The following SLCO1C1 variants were observed in gnomAD, a reference collection of about 807,000 sequenced individuals.
SLCO1C1 encodes the protein solute carrier organic anion transporter family member 1C1, also known as OAT-RP-5.
In SLCO1C1, 70 loss-of-function variants were observed where a neutral mutation model predicts 76.4. The observed-to-expected ratio is 0.92, with a 90% CI of 0.76 to 1.12. The LOEUF (loss-of-function observed/expected upper bound fraction) is 1.12, where lower values mean the gene tolerates loss of function less well. Ranked by LOEUF, SLCO1C1 falls within the 50% of genes most tolerant of loss-of-function variation. The pLI is 0.00. For synonymous variants in SLCO1C1, 306 were observed against 286.1 expected, an observed-to-expected ratio of 1.07 and a Z score of -0.70; for missense variants, 912 against 823.8, an observed-to-expected ratio of 1.11 and a Z score of -1.31.
At chr12:20,718,204 T>C (rs751625439) in intron 7 of SLCO1C1, among the ~76,000 whole-genome samples, 1 of 152,094 alleles carries the variant, frequency 6.6e-6, no homozygotes, top group African/African-American at 2.4e-5. Context: ...CAGAGGAAAA[T>C]TGTTAAGGGG....
chr12:20,742,462 C>G (rs1948862813), intron 12 of SLCO1C1, among the ~76,000 whole-genome samples: 1 of 151,864 alleles, frequency 6.6e-6, no homozygotes, highest in African/African-American at 2.4e-5. Flanking sequence ...ATAGGCCAAT[C>G]AGTTTAAGCT....
intron 12 of SLCO1C1, 55 bp downstream of exon 12, chr12:20,740,423 C>T (rs1013895947): frequency 5.1e-5 from 76 of 1,476,122 alleles, no homozygotes; most frequent in Non-Finnish European, 6.3e-5. Context: ...TCATCTCGAG[C>T]AATGATTTAA....
intron 6 of SLCO1C1, among the ~76,000 whole-genome samples, chr12:20,716,339 A>C (rs1156333714): frequency 6.6e-6 from 1 of 152,218 alleles, no homozygotes; most frequent in African/African-American, 2.4e-5. Flanking sequence ...ACAGGTGCTT[A>C]GGTGTGCCCT....
chr12:20,722,169 C>G, intron 8 of SLCO1C1, 120 bp downstream of exon 8: 1 of 1,319,942 alleles, frequency 7.6e-7, no homozygotes, highest in Non-Finnish European at 1.0e-6. Flanking sequence ...ATATCAGAAG[C>G]AAAAATGGAA....
intron 14 of SLCO1C1, 112 bp downstream of exon 14, chr12:20,750,904 T>G (rs1377332675): frequency 6.2e-7 from 1 of 1,600,090 alleles, no homozygotes; most frequent in Non-Finnish European, 8.6e-7. Context: ...AGGTAAAGAA[T>G]AGTCTAATCA....
intron 12 of SLCO1C1, among the ~76,000 whole-genome samples, chr12:20,740,912 G>A (rs1382954176): frequency 6.7e-6 from 1 of 149,462 alleles, no homozygotes; most frequent in Non-Finnish European, 1.5e-5. Context: ...TGATGTTAAT[G>A]ACTGTATTAT....
In SLCO1C1 at chr12:20,699,667, T is replaced by C. The variant is rs1030596321; in HGVS notation, c.91T>C (p.Ser31Pro). The change falls in exon 2 of 15, where the codon TCC (serine) becomes CCC (proline). Residue 31 changes from serine to proline, a missense_variant. Transcript: ENST00000266509. ...GRPSFKTEYPSSEEKQPCCGE... is the reference protein window; with the variant it reads ...GRPSFKTEYPPSEEKQPCCGE... ...GCCTTCTTTTAAAACAGAATATCCC[T>C]CCTCAGAAGAAAAGCAACCATGCTG... is the stretch of plus-strand genomic sequence containing the variant. The C allele has an allele frequency of 6.2e-7, 1 of 1,612,054 alleles. No individual in the cohort carries two copies. Among genetic ancestry groups the C allele is most frequent in the Non-Finnish European group, 8.5e-7 (1 of 1,178,942 alleles).
intron 10 of SLCO1C1, 83 bp from the exon 11 acceptor site, chr12:20,737,024 C>A: frequency 8.2e-7 from 1 of 1,215,874 alleles, no homozygotes; most frequent in South Asian, 2.2e-5. Flanking sequence ...TCATTTATAT[C>A]ACTCAAGAAC....
chr12:20,716,477 G>A lies in SLCO1C1; in HGVS notation c.677-655G>A, dbSNP rs533228160. 8.5e-5 allele frequency among the ~76,000 whole-genome samples: 13 copies of A among 152,308 alleles called. No homozygotes were observed. The South Asian group carries it at 2.7e-3, about 32-fold the overall frequency. On this transcript the variant is annotated intron_variant, in intron 6 of 14. Coordinates refer to ENST00000266509, the MANE Select transcript of SLCO1C1 (RefSeq NM_017435.5). Reference sequence around the variant, plus strand: ...TGTGTTTTAAGCTTTGTGGTGAAATGAAAAACAGATTGGAGATATTTGGAA... The same window carrying A: ...TGTGTTTTAAGCTTTGTGGTGAAATAAAAAACAGATTGGAGATATTTGGAA...
At chr12:20,743,819 T>A (rs924677127) in intron 13 of SLCO1C1, among the ~76,000 whole-genome samples, 2 of 152,062 alleles carry the variant, frequency 1.3e-5, no homozygotes, top group Admixed American at 1.3e-4. Context: ...AATAAGGTAT[T>A]ATTTAAACCA....
chr12:20,718,256 CCCAG>C (rs1267040284), intron 7 of SLCO1C1, among the ~76,000 whole-genome samples: 8 of 152,090 alleles, frequency 5.3e-5, no homozygotes, highest in African/African-American at 1.9e-4. Context: ...AAGCATTTTA[CCCAG>C]TATAATGCAG....
intron 7 of SLCO1C1, among the ~76,000 whole-genome samples, chr12:20,717,565 A>C (rs935146776): frequency 7.3e-6 from 1 of 136,998 alleles, no homozygotes; most frequent in Non-Finnish European, 1.5e-5. Context: ...AACATTTTTT[A>C]TAGTTACATC....
At chr12:20,729,988 C>T (rs1948193088) in intron 9 of SLCO1C1, among the ~76,000 whole-genome samples, 1 of 152,034 alleles carries the variant, frequency 6.6e-6, no homozygotes, top group African/African-American at 2.4e-5. Context: ...CATTTCAGTT[C>T]TCAGGCTATT....
intron 4 of SLCO1C1, 65 bp downstream of exon 4, chr12:20,706,146 G>C: frequency 3.3e-6 from 5 of 1,503,992 alleles, no homozygotes; most frequent in Non-Finnish European, 4.5e-6. Context: ...CTTTTATGAT[G>C]ATTATTAATT....
In SLCO1C1 at chr12:20,732,950, G is replaced by A. The variant is rs368038819; in HGVS notation, c.1228G>A (p.Gly410Arg). 30 of 1,613,938 alleles carry A rather than the reference G, an allele frequency of 1.9e-5. No homozygotes were observed. Among genetic ancestry groups the A allele is most frequent in the Non-Finnish European group, 2.5e-5 (30 of 1,179,916 alleles). ...AGCAGTGGCCCTTGGAATATTCTCT[G>A]GGGGGATAGTTATGAAAAAATTCAG... The part of the protein sequence containing the change: ...IPAVALGIFS[G>R]GIVMKKFRIS... The change falls in exon 10 of 15, where the codon GGG (glycine) becomes AGG (arginine). Residue 410 changes from glycine (G) to arginine (R), a missense_variant. Coordinates refer to ENST00000266509, the MANE Select transcript of SLCO1C1 (RefSeq NM_017435.5).
intron 10 of SLCO1C1, among the ~76,000 whole-genome samples, chr12:20,734,714 A>T (rs1431176945): frequency 6.6e-6 from 1 of 152,238 alleles, no homozygotes; most frequent in African/African-American, 2.4e-5. Flanking sequence ...TCCCATTAAA[A>T]GTATTCCTAC....
intron 13 of SLCO1C1, among the ~76,000 whole-genome samples, chr12:20,744,917 A>C (rs996826700): frequency 6.6e-6 from 1 of 152,188 alleles, no homozygotes; most frequent in African/African-American, 2.4e-5. Context: ...TGTAGTACAC[A>C]CACGTAACAG....
rs770645983 is a variant in SLCO1C1 at position 20,715,150 on chromosome 12, G to A, written c.541G>A (p.Asp181Asn). The A allele has an allele frequency of 6.2e-7, 1 of 1,613,942 alleles. No homozygotes were observed. Residue 181 changes from aspartate (D) to asparagine (N), a missense_variant, in exon 6 of 15, where the codon GAC (aspartate) becomes AAC (asparagine). Transcript: ENST00000266509. ...GCCTTTCTTTCAAGAATGTGAAGTG[G>A]ACACTAGCTCTTCCATGTGGATTTA... Reference protein sequence around the residue: ...KSKISNECEVDTSSSMWIYVF... With the variant: ...KSKISNECEVNTSSSMWIYVF...
chr12:20,726,837 A>G (rs1948027751), intron 9 of SLCO1C1, among the ~76,000 whole-genome samples: 1 of 151,994 alleles, frequency 6.6e-6, no homozygotes, highest in Admixed American at 6.6e-5. Flanking sequence ...CCAATGGGTA[A>G]TTTTTCAGTC....
Sources: gnomAD v4.1 joint callset for allele counts (sites outside exome capture counted in the v4.1 genomes callset) on GRCh38, gnomAD v4.1.1 for gene constraint, MANE v1.5 for transcripts, NCBI Gene and HGNC (gene_info 2026-07-23, HGNC 2026-07-21) for gene names.